Variants in PKD1L1 observed in about 807,000 individuals in gnomAD.
PKD1L1 encodes polycystin 1 like 1, transient receptor potential channel interacting.
Under a neutral mutation model 323.4 loss-of-function variants are expected in PKD1L1, and 236 were observed. The ratio of observed to expected loss-of-function variants is 0.73; its 90% CI spans 0.66 to 0.81. The LOEUF is 0.81. PKD1L1 is among the 40% of genes least tolerant of loss of function. The pLI, the probability that PKD1L1 is intolerant of heterozygous loss-of-function variation, is 0.00. For missense variants in PKD1L1, 3,320 were observed against 3,508.0 expected (o/e 0.95, Z 1.35); for synonymous variants, 1,344 against 1,335.0 (o/e 1.01, Z -0.15).
At chr7:47,906,031 C>G (rs1383466521) in intron 9 of PKD1L1, 69 bp from the exon 10 acceptor site, 7 of 1,373,320 alleles carry the variant, frequency 5.1e-6, no homozygotes, top group Non-Finnish European at 6.8e-6. Flanking sequence ...ATGCAACACA[C>G]AGTCAGTATT....
chr7:47,897,931 G>A (rs1418224426), intron 14 of PKD1L1, 57 bp downstream of exon 14: 4 of 1,391,580 alleles, frequency 2.9e-6, no homozygotes, highest in Non-Finnish European at 2.9e-6. Context: ...CTTGCTCCAG[G>A]GCGATGAGAA....
At chr7:47,950,500 C>A (rs1297943345), upstream of PKD1L1, among the ~76,000 whole-genome samples, 1 of 152,156 alleles carries the variant, frequency 6.6e-6, no homozygotes, top group Non-Finnish European at 1.5e-5. Flanking sequence ...AAGTTACTTA[C>A]AATTAAATAG....
At chr7:47,818,141 C>A in intron 46 of PKD1L1, 3 of 1,367,610 alleles carry the variant, frequency 2.2e-6, no homozygotes, top group African/African-American at 1.5e-5. Flanking sequence ...AATGAAGCAA[C>A]AGAGAGGCAT....
chr7:47,822,869 A>C (rs565037781), intron 45 of PKD1L1, among the ~76,000 whole-genome samples: 1 of 152,032 alleles, frequency 6.6e-6, no homozygotes, highest in African/African-American at 2.4e-5. Context: ...ATTGTTCATT[A>C]CTGGTATATA....
chr7:47,877,813 C>G (rs1786443235), intron 21 of PKD1L1, among the ~76,000 whole-genome samples, 182 bp from the exon 22 acceptor site: 1 of 152,156 alleles, frequency 6.6e-6, no homozygotes, highest in African/African-American at 2.4e-5. Context: ...CCTAGACCTG[C>G]TGACTCAGAA....
intron 30 of PKD1L1, 107 bp from the exon 31 acceptor site, chr7:47,853,334 T>C: frequency 1.3e-6 from 1 of 785,454 alleles, no homozygotes; most frequent in Non-Finnish European, 2.2e-6. Context: ...AACATCCTTG[T>C]CACTGCAAGG....
chr7:47,934,026 T>C (rs1433725916), intron 4 of PKD1L1, among the ~76,000 whole-genome samples: 1 of 152,204 alleles, frequency 6.6e-6, no homozygotes, highest in Non-Finnish European at 1.5e-5. Context: ...ATTAACCCTT[T>C]CTCCTATCTC....
chr7:47,778,010 C>T (rs1331852188), intron 56 of PKD1L1, among the ~76,000 whole-genome samples: 4 of 152,172 alleles, frequency 2.6e-5, no homozygotes, highest in African/African-American at 4.8e-5. Context: ...GAGGGACAGA[C>T]AGAGATGGAT....
At chr7:47,936,622 A>C (rs1409965448) in intron 4 of PKD1L1, among the ~76,000 whole-genome samples, 1 of 152,128 alleles carries the variant, frequency 6.6e-6, no homozygotes. Context: ...ATCACCTTCT[A>C]CGGCTCCCAG....
intron 56 of PKD1L1, among the ~76,000 whole-genome samples, chr7:47,787,602 T>C (rs1786837794): frequency 6.6e-6 from 1 of 152,208 alleles, no homozygotes; most frequent in Non-Finnish European, 1.5e-5. Flanking sequence ...AACCATATTA[T>C]AAATTTAAAG....
intron 44 of PKD1L1, 88 bp from the exon 45 acceptor site, chr7:47,827,556 C>T (rs1785263677): frequency 3.6e-6 from 4 of 1,110,790 alleles, no homozygotes; most frequent in Non-Finnish European, 5.1e-6. Context: ...AGGAATGTGT[C>T]ATTGCTGTGC....
At chr7:47,934,914 C>T (rs1423706601) in intron 4 of PKD1L1, among the ~76,000 whole-genome samples, 7 of 152,260 alleles carry the variant, frequency 4.6e-5, no homozygotes, top group Non-Finnish European at 5.9e-5. Context: ...CACCCAAGCA[C>T]TTCGGATTTG....
In PKD1L1 at chr7:47,811,985, A is replaced by C; in HGVS notation, c.7413T>G (p.Ala2471=). The C allele has an allele frequency of 6.3e-7, 1 of 1,594,626 alleles. No individual in the cohort carries two copies. The highest frequency in any genetic ancestry group is 1.3e-5 in the African/African-American group (1 of 74,626). ...ASMWIDRSTR[A]VSVHFTLYNP... ...TATAGAGAGTGAAGTGCACAGACAC[A>C]GCCCTGGTGCTGCGGTCAATCCACA... The change falls in exon 50 of 57, where the codon GCT becomes GCG. Residue 2471 remains alanine (A), a synonymous_variant. Coordinates refer to ENST00000289672, the MANE Select transcript of PKD1L1 (RefSeq NM_138295.5).
At chr7:47,854,184 C>T (rs147793124) in intron 30 of PKD1L1, among the ~76,000 whole-genome samples, 91 of 152,268 alleles carry the variant, frequency 6.0e-4, no homozygotes, top group African/African-American at 2.0e-3. Flanking sequence ...GTGTGGACAG[C>T]GCCTGTGTAA....
chr7:47,813,869 T>G, intron 48 of PKD1L1, 62 bp downstream of exon 48: 1 of 1,403,418 alleles, frequency 7.1e-7, no homozygotes, highest in South Asian at 1.2e-5. Flanking sequence ...CCTGCCCCAA[T>G]GTTGCCTAGA....
intron 13 of PKD1L1, among the ~76,000 whole-genome samples, chr7:47,899,768 A>C (rs1342345182): frequency 2.6e-5 from 4 of 152,120 alleles, no homozygotes; most frequent in Admixed American, 6.5e-5. Flanking sequence ...CATCCTGGCT[A>C]ACACGGTGAA....
intron 24 of PKD1L1, among the ~76,000 whole-genome samples, chr7:47,870,628 C>T (rs1315081458): frequency 6.6e-6 from 1 of 150,788 alleles, no homozygotes; most frequent in African/African-American, 2.5e-5. Context: ...AAAGAAAATG[C>T]CAGGTCCAAA....
At position 47,815,367 on chromosome 7, in the gene PKD1L1, T is replaced by G; in HGVS notation, c.7056A>C (p.Gly2352=). 2 of 1,614,128 alleles carry G rather than the reference T, an allele frequency of 1.2e-6. No homozygotes were observed. The highest frequency in any genetic ancestry group is 1.7e-6 in the Non-Finnish European group (2 of 1,180,004). Residue 2352 remains glycine (G), a synonymous_variant, in exon 47 of 57, where the codon GGA becomes GGC. Coordinates refer to ENST00000289672, the MANE Select transcript of PKD1L1 (RefSeq NM_138295.5). ...LTTLLDGLYP[G]GTPSARVPGA... ...CCGGCACACGGGCTGACGGGGTGCC[T>G]CCCGGGTACAGGCCATCCAGAAGTG...
Position 47,890,631 on chromosome 7 carries a change from CTG to C in PKD1L1, c.2584_2585del (p.Gln862ValfsTer16), listed in dbSNP as rs779814835. On this transcript the variant is annotated frameshift_variant, in exon 16 of 57. Coordinates refer to ENST00000289672, the MANE Select transcript of PKD1L1 (RefSeq NM_138295.5). LOFTEE classifies it high-confidence loss of function. The part of the protein sequence containing the change: ...EAQWLSDSYD[Q>X]FLVMLRVSSG... ...TGGAGACCCTCAGCATCACAAGGAA[CTG>C]ATCATAGCTGTCACTGAGCCATTGT... is the stretch of plus-strand genomic sequence containing the variant. 7 of 1,614,208 alleles carry C rather than the reference CTG, an allele frequency of 4.3e-6. No individual in the cohort carries two copies. The East Asian group carries it at 1.6e-4, about 36-fold the overall frequency.
Sources: allele counts gnomAD v4.1 joint callset (sites outside exome capture counted in the v4.1 genomes callset), GRCh38; gene constraint gnomAD v4.1.1; transcripts MANE v1.5; gene names NCBI Gene and HGNC (gene_info 2026-07-23, HGNC 2026-07-21).